Variants in TTLL11 observed in about 807,000 individuals in gnomAD.
TTLL11 encodes the protein tubulin tyrosine ligase like 11.
TTLL11 carries 42 observed loss-of-function variants against 51.7 expected under a neutral mutation model. The ratio of observed to expected loss-of-function variants is 0.81; its 90% confidence interval spans 0.64 to 1.05. The LOEUF (loss-of-function observed/expected upper bound fraction) is 1.05. Among genes scored for constraint, TTLL11 ranks in the 50% least tolerant of loss-of-function variants. The pLI is 0.00. For synonymous variants in TTLL11, 381 were observed against 383.5 expected, an observed-to-expected ratio of 0.99 and a Z score of 0.08; for missense variants, 799 against 940.4, an observed-to-expected ratio of 0.85 and a Z score of 1.97.
intron 6 of TTLL11, among the ~76,000 whole-genome samples, chr9:121,935,431 G>T (rs1841165918): frequency 1.3e-5 from 2 of 152,146 alleles, no homozygotes; most frequent in South Asian, 4.1e-4. Flanking sequence ...GAATGTTCAA[G>T]GACCCCACTT....
intron 6 of TTLL11, among the ~76,000 whole-genome samples, chr9:121,882,506 C>T (rs1838836437): frequency 6.6e-6 from 1 of 152,196 alleles, no homozygotes; most frequent in South Asian, 2.1e-4. Context: ...TCCTGAACCT[C>T]TCATTTCCTG....
intron 6 of TTLL11, among the ~76,000 whole-genome samples, chr9:121,880,708 A>G (rs574187210): frequency 1.6e-4 from 24 of 152,218 alleles, no homozygotes; most frequent in Non-Finnish European, 3.1e-4. Flanking sequence ...CTACAGCCCC[A>G]GCACAGCTCC....
intron 2 of TTLL11, among the ~76,000 whole-genome samples, chr9:122,037,261 A>T (rs539397029): frequency 6.6e-6 from 1 of 152,214 alleles, no homozygotes. Context: ...TTTAAGTGGC[A>T]TCACAAAGCA....
chr9:121,866,295 G>A (rs1179583458), intron 7 of TTLL11, among the ~76,000 whole-genome samples: 1 of 152,200 alleles, frequency 6.6e-6, no homozygotes, highest in Non-Finnish European at 1.5e-5. Context: ...AACATACTTA[G>A]AGAAATCTAA....
rs183380082 is a variant in TTLL11 at position 122,009,320 on chromosome 9, A to G, written c.694-19550T>C. On this transcript the variant is annotated intron_variant, in intron 3 of 8. Transcript: ENST00000321582. Reference sequence around the variant, plus strand: ...TAAATACATACATTTTTTATTTGCCAATTAAATATTTATTTTAACATAACA... The same window carrying G: ...TAAATACATACATTTTTTATTTGCCGATTAAATATTTATTTTAACATAACA... Among the ~76,000 whole-genome samples the G allele has an allele frequency of 8.5e-4, 130 of 152,284 alleles. 2 individuals are homozygous for G. The East Asian group carries it at 0.024, about 28-fold the overall frequency.
intron 6 of TTLL11, among the ~76,000 whole-genome samples, chr9:121,948,183 A>G (rs1264932629): frequency 6.6e-6 from 1 of 152,154 alleles, no homozygotes; most frequent in Non-Finnish European, 1.5e-5. Context: ...GAACATAGAG[A>G]TGTAGATAGC....
intron 7 of TTLL11, among the ~76,000 whole-genome samples, chr9:121,865,235 G>A (rs1007453311): frequency 2.0e-5 from 3 of 152,078 alleles, no homozygotes; most frequent in Admixed American, 6.5e-5. Context: ...ACACCACGTT[G>A]CCTCTCAGAG....
intron 1 of TTLL11, among the ~76,000 whole-genome samples, chr9:122,061,877 C>T (rs1408775748): frequency 6.6e-6 from 1 of 152,130 alleles, no homozygotes; most frequent in Non-Finnish European, 1.5e-5. Context: ...ACCTCGTGAT[C>T]TGCCCACCTC....
chr9:121,979,157 A>T (rs1842777749), intron 4 of TTLL11, among the ~76,000 whole-genome samples: 1 of 152,138 alleles, frequency 6.6e-6, no homozygotes, highest in South Asian at 2.1e-4. Context: ...TATTGTCATG[A>T]GCTGTCCCAT....
At chr9:122,014,242 G>C (rs1358942098) in intron 3 of TTLL11, among the ~76,000 whole-genome samples, 2 of 152,144 alleles carry the variant, frequency 1.3e-5, no homozygotes, top group African/African-American at 4.8e-5. Context: ...GCGCAGGCCT[G>C]TAATCTCAGC....
intron 4 of TTLL11, among the ~76,000 whole-genome samples, chr9:121,985,442 A>G (rs1371806682): frequency 6.6e-6 from 1 of 152,078 alleles, no homozygotes; most frequent in Non-Finnish European, 1.5e-5. Context: ...CCCAAACTCA[A>G]AAGTGTTCTT....
rs536031582 is a variant in TTLL11, at chr9:121,900,307, C to T, written c.1482-29559G>A. On this transcript the variant is annotated intron_variant, in intron 6 of 8. Coordinates refer to ENST00000321582, the MANE Select transcript of TTLL11 (RefSeq NM_001139442.2). ...TTTCTCTGAGCACTCAAACAGATTT[C>T]ACTGACTTGTGAATTGCATTGTTAC... is the stretch of plus-strand genomic sequence containing the variant. Among the ~76,000 whole-genome samples, 78 of 152,356 alleles carry T rather than the reference C, an allele frequency of 5.1e-4. 1 individual carries two copies. The South Asian group carries it at 0.015, about 30-fold the overall frequency.
At chr9:121,961,153 C>A (rs1430109452) in intron 6 of TTLL11, among the ~76,000 whole-genome samples, 2 of 152,150 alleles carry the variant, frequency 1.3e-5, no homozygotes, top group African/African-American at 2.4e-5. Flanking sequence ...AAAATCAAGT[C>A]CATCCTCACG....
rs1471492885 is a variant in TTLL11, at chr9:121,887,768, C to T, written c.1482-17020G>A. On this transcript the variant is annotated intron_variant, in intron 6 of 8. Transcript: ENST00000321582. ...TCCCCCATGAAGAAAGTGCCTCCCC[C>T]GCAGCAAGCTGTCCCCCGTCCTTTC... is the stretch of plus-strand genomic sequence containing the variant. Among the ~76,000 whole-genome samples the T allele has an allele frequency of 5.3e-5, 8 of 152,322 alleles. No homozygotes were observed. In the East Asian group the frequency reaches 1.4e-3, roughly 26 times the overall value.
intron 6 of TTLL11, among the ~76,000 whole-genome samples, chr9:121,943,469 A>C (rs1360822966): frequency 6.6e-6 from 1 of 152,204 alleles, no homozygotes; most frequent in Admixed American, 6.5e-5. Flanking sequence ...CCACTTGTTA[A>C]TGCCCAAATT....
At chr9:121,961,882 C>T (rs1468509288) in intron 6 of TTLL11, among the ~76,000 whole-genome samples, 7 of 152,082 alleles carry the variant, frequency 4.6e-5, no homozygotes, top group African/African-American at 1.7e-4. Context: ...ATGGTGAAAC[C>T]CCGTCTCTAC....
At chr9:121,893,629 G>T (rs1839342973) in intron 6 of TTLL11, among the ~76,000 whole-genome samples, 1 of 152,230 alleles carries the variant, frequency 6.6e-6, no homozygotes, top group South Asian at 2.1e-4. Flanking sequence ...TAACAAGGAA[G>T]AACTGGGGAT....
chr9:121,897,440 C>T (rs1193071132), intron 6 of TTLL11, among the ~76,000 whole-genome samples: 2 of 152,116 alleles, frequency 1.3e-5, no homozygotes, highest in African/African-American at 4.8e-5. Context: ...TTTTCTCTCT[C>T]TTCTCTCCAG....
intron 3 of TTLL11, among the ~76,000 whole-genome samples, chr9:122,001,976 T>C (rs1843482510): frequency 6.6e-6 from 1 of 152,224 alleles, no homozygotes; most frequent in Non-Finnish European, 1.5e-5. Context: ...ATGAGTGTGC[T>C]GGTTGGAAGC....
Sources: gnomAD v4.1 joint callset for allele counts (sites outside exome capture counted in the v4.1 genomes callset) on GRCh38, gnomAD v4.1.1 for gene constraint, MANE v1.5 for transcripts, NCBI Gene and HGNC (gene_info 2026-07-23, HGNC 2026-07-21) for gene names.